Variants in SERPINB5 observed in about 807,000 individuals in gnomAD.
SERPINB5 encodes serpin B5.
In SERPINB5, 27 loss-of-function variants were observed where a neutral mutation model predicts 32.2. That is an observed-to-expected ratio of 0.84 (90% CI 0.62 to 1.16). The LOEUF (loss-of-function observed/expected upper bound fraction) is 1.16. Among genes scored for constraint, SERPINB5 ranks in the 50% most tolerant of loss-of-function variants. The pLI is 0.00. For missense variants in SERPINB5, 388 were observed against 436.3 expected (o/e 0.89, Z 0.99); for synonymous variants, 154 against 157.4 (o/e 0.98, Z 0.16).
At position 63,484,435 on chromosome 18, in the gene SERPINB5, G is replaced by A. The variant is rs1917172747; in HGVS notation, c.7G>A (p.Ala3Thr). The A allele has an allele frequency of 1.2e-6, 2 of 1,611,850 alleles. No individual in the cohort carries two copies. The highest frequency in any genetic ancestry group is 1.3e-5 in the African/African-American group (1 of 74,840). The part of the protein sequence containing the change: MD[A>T]LQLANSAFAV... ...CCTTGCTTCCAGGCCCGCAATGGAT[G>A]CCCTGCAACTAGCAAATTCGGCTTT... Residue 3 changes from alanine to threonine, a missense_variant, in exon 2 of 7, where the codon GCC (alanine) becomes ACC (threonine). By Grantham distance (58) the Ala-to-Thr change is moderately conservative. Transcript: ENST00000382771.
At chr18:63,497,408 TG>T in intron 5 of SERPINB5, 2 of 1,110,266 alleles carry the variant, frequency 1.8e-6, no homozygotes, top group African/African-American at 1.5e-5. Context: ...TGAAGCTCTG[TG>T]GGGGTCACCT....
Position 63,484,741 on chromosome 18 carries a change from CTTTTT to C in SERPINB5, c.168+163_168+167del, listed in dbSNP as rs869236018. The C allele has an allele frequency of 1.4e-3, 153 of 108,088 alleles. 1 individual carries two copies. The highest frequency in any genetic ancestry group is 5.0e-3 in the East Asian group (20 of 4,036). 6.7% of individuals were successfully genotyped at this position (108,088 alleles called of 1,614,324 possible). ...TGTGCCATTCCAGGACTCTCTTAATCTTTTTTTTTTTTTTTTTTTTTTGTGAGACA... is the reference window on the plus strand; with the variant it reads ...TGTGCCATTCCAGGACTCTCTTAATCTTTTTTTTTTTTTTTTTGTGAGACA... On this transcript the variant is annotated intron_variant, in intron 2 of 6. Coordinates refer to ENST00000382771, the MANE Select transcript of SERPINB5 (RefSeq NM_002639.5).
rs386387948 is a variant in SERPINB5, at chr18:63,498,749, G to GTATATATATA, written c.568-367_568-358dup. On this transcript the variant is annotated intron_variant, in intron 5 of 6. Coordinates refer to ENST00000382771, the MANE Select transcript of SERPINB5 (RefSeq NM_002639.5). This position sits in a 1 kb window ranked among gnomAD's most constrained non-coding sequence, Gnocchi z 4.2. The stretch of plus-strand genomic sequence containing the variant: ...GACACTGTGTCAAGAGCAAATTTGT[G>GTATATATATA]TATATATATATATGTACATATATAT... Among the ~76,000 whole-genome samples the GTATATATATA allele has an allele frequency of 8.0e-5, 12 of 149,876 alleles. No homozygotes were observed. The highest frequency in any genetic ancestry group is 2.9e-4 in the African/African-American group (12 of 40,738).
intron 3 of SERPINB5, among the ~76,000 whole-genome samples, chr18:63,487,613 G>C (rs1917236277): frequency 6.6e-6 from 1 of 152,146 alleles, no homozygotes. Context: ...TGGCTGGGCT[G>C]GTCAGATGGG....
chr18:63,494,321 CA>C (rs372412366), intron 5 of SERPINB5, among the ~76,000 whole-genome samples: 2,674 of 46,692 alleles, frequency 0.057, 39 homozygotes, highest in African/African-American at 0.19. Flanking sequence ...GACTCCATCT[CA>C]AAAAAAAAAA....
At chr18:63,487,469 C>T (rs987662241) in intron 3 of SERPINB5, among the ~76,000 whole-genome samples, 4 of 152,188 alleles carry the variant, frequency 2.6e-5, no homozygotes, top group Admixed American at 1.3e-4. Flanking sequence ...AAGAGCAGGG[C>T]ATATGGCCTG....
At chr18:63,490,147 G>A (rs1461063694) in intron 4 of SERPINB5, among the ~76,000 whole-genome samples, 4 of 152,052 alleles carry the variant, frequency 2.6e-5, no homozygotes, top group Non-Finnish European at 4.4e-5. Context: ...AGCAGAGATC[G>A]CGCCACTGCA....
In SERPINB5 at chr18:63,497,844, T is replaced by G. The variant is rs568817604; in HGVS notation, c.568-1276T>G. Among the ~76,000 whole-genome samples, 4 of 152,312 alleles carry G rather than the reference T, an allele frequency of 2.6e-5. No homozygotes were observed. In the East Asian group the frequency reaches 7.7e-4, roughly 29 times the overall value. On this transcript the variant is annotated intron_variant, in intron 5 of 6. Coordinates refer to ENST00000382771, the MANE Select transcript of SERPINB5 (RefSeq NM_002639.5). ...TTATTCTGAATTTACAATTTCTTCA[T>G]TCTACTGACAAGAATACTGAGGCCT...
intron 1 of SERPINB5, among the ~76,000 whole-genome samples, chr18:63,483,025 T>C (rs565136534): frequency 2.6e-5 from 4 of 152,284 alleles, no homozygotes; most frequent in African/African-American, 9.6e-5. Flanking sequence ...AATGTCTTAG[T>C]ATTATCATGA....
intron 1 of SERPINB5, among the ~76,000 whole-genome samples, chr18:63,479,954 G>C (rs1256418083): frequency 6.6e-6 from 1 of 152,214 alleles, no homozygotes; most frequent in African/African-American, 2.4e-5. Flanking sequence ...AGAGACTTCT[G>C]AGAGAACAAA....
At chr18:63,500,658 T>C (rs1271952673) in intron 6 of SERPINB5, among the ~76,000 whole-genome samples, 2 of 152,050 alleles carry the variant, frequency 1.3e-5, no homozygotes, top group Non-Finnish European at 2.9e-5. Flanking sequence ...CTTTAGTCCC[T>C]CCCTGGCTTC....
chr18:63,491,404 C>CAA (rs1555670766), intron 4 of SERPINB5, among the ~76,000 whole-genome samples: 46 of 81,414 alleles, frequency 5.7e-4, no homozygotes, highest in South Asian at 2.4e-3. Context: ...CTGCGTCTCC[C>CAA]AAAAAAAAAA....
At chr18:63,502,415 G>A (rs6567367) in intron 6 of SERPINB5, among the ~76,000 whole-genome samples, 60,721 of 151,828 alleles carry the variant, frequency 0.4, 13,048 homozygotes, top group Non-Finnish European at 0.49. Context: ...GATTGCAGGC[G>A]TGAGCCACTG....
intron 1 of SERPINB5, among the ~76,000 whole-genome samples, chr18:63,482,228 A>G (rs1917137077): frequency 6.6e-6 from 1 of 152,184 alleles, no homozygotes; most frequent in Non-Finnish European, 1.5e-5. Flanking sequence ...TCGTCTTTGC[A>G]TTCTGAATTT....
chr18:63,488,437 C>T (rs1382126768), intron 3 of SERPINB5, among the ~76,000 whole-genome samples: 1 of 152,136 alleles, frequency 6.6e-6, no homozygotes, highest in African/African-American at 2.4e-5. Flanking sequence ...GAGTCTTTCT[C>T]TGTTGCCCAG....
At chr18:63,502,497 A>G (rs1909590200) in intron 6 of SERPINB5, among the ~76,000 whole-genome samples, 1 of 151,950 alleles carries the variant, frequency 6.6e-6, no homozygotes, top group South Asian at 2.1e-4. Context: ...ACCCTAGGGC[A>G]TGGCTCAGAG....
At chr18:63,487,173 ATTCCT>A in intron 3 of SERPINB5, 90 bp downstream of exon 3, 2 of 1,266,396 alleles carry the variant, frequency 1.6e-6, no homozygotes, top group African/African-American at 3.0e-5. Context: ...TTTCAGTGAA[ATTCCT>A]TTCTAGGATG....
chr18:63,488,401 T>C (rs990235739), intron 3 of SERPINB5, among the ~76,000 whole-genome samples: 1 of 152,170 alleles, frequency 6.6e-6, no homozygotes, highest in Non-Finnish European at 1.5e-5. Context: ...TTGTAAAGTT[T>C]TGTTTTGTTT....
At chr18:63,491,721 C>T (rs1047668360) in intron 4 of SERPINB5, among the ~76,000 whole-genome samples, 8 of 151,902 alleles carry the variant, frequency 5.3e-5, no homozygotes, top group African/African-American at 1.5e-4. Flanking sequence ...GTGATCCACC[C>T]GCCTCAGCCT....
Sources: allele counts gnomAD v4.1 joint callset (sites outside exome capture counted in the v4.1 genomes callset), GRCh38; gene constraint gnomAD v4.1.1; non-coding constraint Gnocchi (gnomAD v3.1); transcripts MANE v1.5; gene names NCBI Gene and HGNC (gene_info 2026-07-23, HGNC 2026-07-21).